Variants in FAM120AOS observed in about 807,000 individuals in gnomAD.
FAM120AOS encodes family with sequence similarity 120 member A opposite strand.
In FAM120AOS, 15 loss-of-function variants were observed where a neutral mutation model predicts 20.2. That is an observed-to-expected ratio of 0.74 (90% CI 0.50 to 1.15). The LOEUF (loss-of-function observed/expected upper bound fraction) is 1.15, where lower values mean the gene tolerates loss of function less well. Ranked by LOEUF, FAM120AOS falls within the 50% of genes most tolerant of loss-of-function variation. The probability of loss-of-function intolerance (pLI) is 0.00; values close to 1 mark genes in which losing one functional copy is unlikely to be tolerated. For missense variants in FAM120AOS, 327 were observed against 351.9 expected (o/e 0.93, Z 0.57); for synonymous variants, 154 against 154.0 (o/e 1.00, Z 0.00).
chr9:93,447,249 T>A lies in FAM120AOS; in HGVS notation c.*362A>T, dbSNP rs932989187. On this transcript the variant is annotated 3_prime_UTR_variant, in exon 3 of 3. Coordinates refer to ENST00000375412, the MANE Select transcript of FAM120AOS (RefSeq NM_198841.4). ...ATGCAAGTATCTATTTGTCTATATG[T>A]CTGTCTACCTTGGTAGGTTGGGCTC... The A allele has an allele frequency of 4.8e-6, 1 of 208,818 alleles. No individual in the cohort carries two copies. The highest frequency in any genetic ancestry group is 2.3e-5 in the African/African-American group (1 of 43,844). The allele number at this position is 208,818 out of a possible 1,614,324, so 12.9% of individuals were successfully genotyped here.
chr9:93,451,930 C>T lies in FAM120AOS; in HGVS notation c.563+217G>A, dbSNP rs1857246027. The T allele has an allele frequency of 4.0e-6, 6 of 1,496,188 alleles. 1 individual carries two copies. The South Asian group carries it at 7.7e-5, about 19-fold the overall frequency. 92.7% of individuals were successfully genotyped at this position (1,496,188 alleles called of 1,614,324 possible). Reference sequence around the variant, plus strand: ...CCGCCGCCGCCATGGGCGTGCAGGGCTTCCAGGACTACATCGAGAAGCACT... The same window carrying T: ...CCGCCGCCGCCATGGGCGTGCAGGGTTTCCAGGACTACATCGAGAAGCACT... On this transcript the variant is annotated intron_variant, in intron 1 of 2. Coordinates refer to ENST00000375412, the MANE Select transcript of FAM120AOS (RefSeq NM_198841.4).
intron 2 of FAM120AOS, chr9:93,448,388 A>G: frequency 5.7e-6 from 1 of 175,384 alleles, no homozygotes; most frequent in Non-Finnish European, 1.2e-5. Flanking sequence ...CAGCTACTCC[A>G]GAGGCTGAGG....
In FAM120AOS at chr9:93,449,492, A is replaced by ATTTTTTTTT. The variant is rs10667664; in HGVS notation, c.684+978_684+986dup. ...CAGAATTCCAGATACTGGCACTGGC[A>ATTTTTTTTT]TTTTTTTTTTTTTTTTTTTTTGAGA... On this transcript the variant is annotated intron_variant, in intron 2 of 2. Coordinates refer to ENST00000375412, the MANE Select transcript of FAM120AOS (RefSeq NM_198841.4). Among the ~76,000 whole-genome samples the ATTTTTTTTT allele has an allele frequency of 1.6e-4, 17 of 109,506 alleles. 1 individual carries two copies. Among genetic ancestry groups the ATTTTTTTTT allele is most frequent in the African/African-American group, 1.8e-4 (5 of 27,178 alleles). 71.8% of individuals were successfully genotyped at this position (109,506 alleles called of 152,430 possible).
At chr9:93,451,521 GGCCTCCGCCTCC>G (rs891461966) in intron 1 of FAM120AOS, 74 of 997,522 alleles carry the variant, frequency 7.4e-5, no homozygotes, top group East Asian at 1.0e-4. Context: ...CCCAACTCCG[GGCCTCCGCCTCC>G]GCCGCCGCCT....
In FAM120AOS at chr9:93,444,303, G is replaced by A. The variant is rs1380045328; in HGVS notation, c.*3308C>T. 1.3e-5 allele frequency among the ~76,000 whole-genome samples: 2 copies of A among 152,164 alleles called. No individual in the cohort carries two copies. Among genetic ancestry groups the A allele is most frequent in the East Asian group, 1.9e-4 (1 of 5,192 alleles). ...GATCCACCCGTCTTGGCCTCCCAAA[G>A]TGCTGGGATGACAGGCGTGAGCCAC... is the stretch of plus-strand genomic sequence containing the variant. On this transcript the variant is annotated 3_prime_UTR_variant, in exon 3 of 3. Coordinates refer to ENST00000375412, the MANE Select transcript of FAM120AOS (RefSeq NM_198841.4).
Position 93,445,432 on chromosome 9 carries a change from T to C in FAM120AOS, c.*2179A>G, listed in dbSNP as rs1443142447. Among the ~76,000 whole-genome samples, 1 of 152,134 alleles carries C rather than the reference T, an allele frequency of 6.6e-6. No homozygotes were observed. The highest frequency in any genetic ancestry group is 1.9e-4 in the East Asian group (1 of 5,192). On this transcript the variant is annotated 3_prime_UTR_variant, in exon 3 of 3. Transcript: ENST00000375412. ...TAAGTTTGGTCCATTCTACTCTTTT[T>C]CATGACTTTGAATCTTGAGCAAATG... is the stretch of plus-strand genomic sequence containing the variant.
intron 2 of FAM120AOS, among the ~76,000 whole-genome samples, 164 bp downstream of exon 2, chr9:93,450,315 C>G (rs959427995): frequency 1.3e-5 from 2 of 152,230 alleles, no homozygotes; most frequent in African/African-American, 4.8e-5. Context: ...AACATGTCAT[C>G]CTGGCTTTGT....
In FAM120AOS at chr9:93,452,864, CA is replaced by C. The variant is rs1857334854; in HGVS notation, c.-156del. ...GTTTCGCCAGAGCCCTTGGGGGCTG[CA>C]AATATCAGTGCTGCTGCCGCCGCCC... On this transcript the variant is annotated 5_prime_UTR_variant, in exon 1 of 3. Coordinates refer to ENST00000375412, the MANE Select transcript of FAM120AOS (RefSeq NM_198841.4). The surrounding 1 kb of genome is among the most constrained non-coding windows in gnomAD (Gnocchi z 7.0). 4.7e-6 allele frequency: 7 copies of C among 1,474,184 alleles called. No homozygotes were observed. Among genetic ancestry groups the C allele is most frequent in the Non-Finnish European group, 6.2e-6 (7 of 1,121,546 alleles). The allele number at this position is 1,474,184 out of a possible 1,614,324, so 91.3% of individuals were successfully genotyped here.
In FAM120AOS at chr9:93,453,103, G is replaced by T. The variant is rs1857356248; in HGVS notation, c.-394C>A. ...GTGACTTCACGTCCGTGTGAAAGAG[G>T]TCTTTAAGGCAGTTCGGTTTTGTAG... On this transcript the variant is annotated 5_prime_UTR_variant, in exon 1 of 3. Transcript: ENST00000375412. 9.5e-7 allele frequency: 1 copy of T among 1,048,642 alleles called. No individual in the cohort carries two copies. Among genetic ancestry groups the T allele is most frequent in the Non-Finnish European group, 1.1e-6 (1 of 870,272 alleles). 65.0% of individuals were successfully genotyped at this position (1,048,642 alleles called of 1,614,324 possible).
In FAM120AOS at chr9:93,453,002, G is replaced by A; in HGVS notation, c.-293C>T. 2.4e-6 allele frequency: 3 copies of A among 1,255,424 alleles called. No individual in the cohort carries two copies. The highest frequency in any genetic ancestry group is 3.0e-6 in the Non-Finnish European group (3 of 997,756). 77.8% of individuals were successfully genotyped at this position (1,255,424 alleles called of 1,614,324 possible). ...TGTTCCTCTTAGTACAGGGTGTTTA[G>A]AGAATCTTTCTATGGCTTTTTGTGT... is the stretch of plus-strand genomic sequence containing the variant. On this transcript the variant is annotated 5_prime_UTR_variant, in exon 1 of 3. Transcript: ENST00000375412.
rs777538417 is a variant in FAM120AOS at position 93,452,393 on chromosome 9, AGGCCGGGGATCCGGGCG to A, written c.300_316del (p.Ala101HisfsTer86). 7.5e-6 allele frequency: 12 copies of A among 1,604,316 alleles called. No homozygotes were observed. Among genetic ancestry groups the A allele is most frequent in the Non-Finnish European group, 8.5e-7 (1 of 1,176,272 alleles). On this transcript the variant is annotated frameshift_variant, in exon 1 of 3. Transcript: ENST00000375412. LOFTEE classifies it high-confidence loss of function. The surrounding 1 kb of genome is among the most constrained non-coding windows in gnomAD (Gnocchi z 7.0). ...GCTCATCCGCTTCCACGTCAAGGTGAGGCCGGGGATCCGGGCGGGCCGGGGACCGGGGCCGCGCCGCA... is the reference window on the plus strand; with the variant it reads ...GCTCATCCGCTTCCACGTCAAGGTGAGGCCGGGGACCGGGGCCGCGCCGCA...
chr9:93,450,005 A>G (rs1260088760), intron 2 of FAM120AOS, among the ~76,000 whole-genome samples: 1 of 151,990 alleles, frequency 6.6e-6, no homozygotes, highest in Non-Finnish European at 1.5e-5. Flanking sequence ...TTTATTTTTG[A>G]GACGGAATCT....
At chr9:93,451,365 G>A (rs1321192530) in intron 1 of FAM120AOS, 3 of 1,419,698 alleles carry the variant, frequency 2.1e-6, no homozygotes, top group Admixed American at 2.9e-5. Context: ...GAGAACCACC[G>A]GGCGGAGGCG....
intron 2 of FAM120AOS, chr9:93,448,240 T>A (rs1453779142): frequency 1.3e-5 from 2 of 154,056 alleles, no homozygotes; most frequent in Non-Finnish European, 2.9e-5. Flanking sequence ...ATGCCTGTAA[T>A]CCCTGCACTT....
chr9:93,448,796 AT>A (rs570210500), intron 2 of FAM120AOS, among the ~76,000 whole-genome samples: 1 of 150,324 alleles, frequency 6.7e-6, no homozygotes, highest in African/African-American at 2.4e-5. Context: ...TTTTTTTTGT[AT>A]TTTTTTTAGT....
intron 1 of FAM120AOS, chr9:93,450,997 G>A: frequency 6.5e-7 from 1 of 1,535,162 alleles, no homozygotes; most frequent in Non-Finnish European, 8.8e-7. Context: ...AGGGCTACCT[G>A]TACCTTCAGA....
In FAM120AOS at chr9:93,453,549, A is replaced by T. The variant is rs914683772; in HGVS notation, c.-840T>A. 6.1e-6 allele frequency: 6 copies of T among 985,266 alleles called. No homozygotes were observed. The highest frequency in any genetic ancestry group is 3.6e-6 in the Non-Finnish European group (3 of 829,938). 61.0% of individuals were successfully genotyped at this position (985,266 alleles called of 1,614,324 possible). ...AAATTCTGTCTTCGCGGTTGCCCCCACTGCCCGCGAGGAGATGGTGGTAGT... is the reference window on the plus strand; with the variant it reads ...AAATTCTGTCTTCGCGGTTGCCCCCTCTGCCCGCGAGGAGATGGTGGTAGT... On this transcript the variant is annotated 5_prime_UTR_variant, in exon 1 of 3. Coordinates refer to ENST00000375412, the MANE Select transcript of FAM120AOS (RefSeq NM_198841.4).
chr9:93,445,579 C>T lies in FAM120AOS; in HGVS notation c.*2032G>A, dbSNP rs1028535769. ...CTGGTTCTCCAACTTTCATAAAAATCGTTGTTTTTTTTTTTTTTTTTTTTT... is the reference window on the plus strand; with the variant it reads ...CTGGTTCTCCAACTTTCATAAAAATTGTTGTTTTTTTTTTTTTTTTTTTTT... On this transcript the variant is annotated 3_prime_UTR_variant, in exon 3 of 3. Transcript: ENST00000375412. 3.2e-5 allele frequency among the ~76,000 whole-genome samples: 4 copies of T among 124,156 alleles called. No homozygotes were observed. Among genetic ancestry groups the T allele is most frequent in the African/African-American group, 9.0e-5 (3 of 33,240 alleles). 81.5% of individuals were successfully genotyped at this position (124,156 alleles called of 152,430 possible).
At chr9:93,450,385 C>A in intron 2 of FAM120AOS, 94 bp downstream of exon 2, 1 of 1,479,442 alleles carries the variant, frequency 6.8e-7, no homozygotes, top group Non-Finnish European at 9.0e-7. Context: ...AATGTAACTT[C>A]CTAAAATACC....
Sources: allele counts gnomAD v4.1 joint callset (sites outside exome capture counted in the v4.1 genomes callset), GRCh38; gene constraint gnomAD v4.1.1; non-coding constraint Gnocchi (gnomAD v3.1); transcripts MANE v1.5; gene names NCBI Gene and HGNC (gene_info 2026-07-23, HGNC 2026-07-21).